The following RNF8 variants were observed in gnomAD, a reference collection of about 807,000 sequenced individuals.
RNF8 encodes the protein ring finger protein 8.
Under a neutral mutation model 59.3 loss-of-function variants are expected in RNF8, and 8 were observed. The ratio of observed to expected loss-of-function variants is 0.13; its 90% CI spans 0.08 to 0.24. The LOEUF (loss-of-function observed/expected upper bound fraction) is 0.24. Among genes scored for constraint, RNF8 ranks in the 10% least tolerant of loss-of-function variants. The probability of loss-of-function intolerance (pLI) is 1.00; values close to 1 mark genes in which losing one functional copy is unlikely to be tolerated. For synonymous variants in RNF8, 162 were observed against 200.0 expected (o/e 0.81, Z 1.60); for missense variants, 406 against 572.6 (o/e 0.71, Z 2.97).
At chr6:37,364,801 G>T (rs56947102) in intron 2 of RNF8, among the ~76,000 whole-genome samples, 4 of 151,930 alleles carry the variant, frequency 2.6e-5, no homozygotes, top group Non-Finnish European at 5.9e-5. Context: ...ATGGAGTTTC[G>T]CTCTTTTTGC....
At chr6:37,361,902 ATGAATC>A (rs1156273727) in intron 2 of RNF8, among the ~76,000 whole-genome samples, 1 of 152,210 alleles carries the variant, frequency 6.6e-6, no homozygotes, top group African/African-American at 2.4e-5. Context: ...ATGTAGACAG[ATGAATC>A]TGAGGCCCAG....
chr6:37,383,297 C>G (rs925247592), intron 7 of RNF8, among the ~76,000 whole-genome samples: 15 of 152,202 alleles, frequency 9.9e-5, no homozygotes, highest in Non-Finnish European at 1.9e-4. Flanking sequence ...CATGCCAGAG[C>G]TATCAACAGC....
At chr6:37,365,044 C>T (rs754849119) in intron 2 of RNF8, among the ~76,000 whole-genome samples, 10 of 152,162 alleles carry the variant, frequency 6.6e-5, no homozygotes, top group East Asian at 1.9e-4. Flanking sequence ...GTTAGGATTA[C>T]AGGCGTGAGC....
chr6:37,384,525 G>C (rs559627797), intron 7 of RNF8, among the ~76,000 whole-genome samples: 1 of 152,356 alleles, frequency 6.6e-6, no homozygotes, highest in Admixed American at 6.5e-5. Flanking sequence ...AGAGGCATTT[G>C]TGAACTATTG....
At chr6:37,383,138 A>G (rs1487316670) in intron 7 of RNF8, among the ~76,000 whole-genome samples, 1 of 152,234 alleles carries the variant, frequency 6.6e-6, no homozygotes, top group Non-Finnish European at 1.5e-5. Context: ...AGGGGGCTAC[A>G]CAGTAAAATG....
intron 4 of RNF8, among the ~76,000 whole-genome samples, chr6:37,372,066 G>T (rs1769831846): frequency 6.6e-6 from 1 of 152,174 alleles, no homozygotes; most frequent in South Asian, 2.1e-4. Context: ...AAAAGGTAAA[G>T]CTCAACAGGA....
In RNF8 at chr6:37,380,872, G is replaced by A. The variant is rs547968424; in HGVS notation, c.1237-278G>A. 3.9e-5 allele frequency among the ~76,000 whole-genome samples: 6 copies of A among 152,002 alleles called. No individual in the cohort carries two copies. In the South Asian group the frequency reaches 1.2e-3, roughly 32 times the overall value. Reference sequence around the variant, plus strand: ...TAATATTCGTATTTTTAGTAGAGACGAGGTTTTACCATGTTGCCCAGGCTG... The same window carrying A: ...TAATATTCGTATTTTTAGTAGAGACAAGGTTTTACCATGTTGCCCAGGCTG... On this transcript the variant is annotated intron_variant, in intron 6 of 7. Transcript: ENST00000373479.
intron 2 of RNF8, among the ~76,000 whole-genome samples, chr6:37,362,497 T>C (rs1769364704): frequency 1.0e-5 from 1 of 96,126 alleles, no homozygotes; most frequent in Non-Finnish European, 2.2e-5. Context: ...TTAGCTGTGA[T>C]TGTTTGTGAG....
At position 37,369,258 on chromosome 6, in the gene RNF8, G is replaced by C. The variant is rs1769700232; in HGVS notation, c.975+40G>C. 5 of 1,538,890 alleles carry C rather than the reference G, an allele frequency of 3.2e-6. No homozygotes were observed. The East Asian group carries it at 1.2e-4, about 36-fold the overall frequency. ...GGAAGGGCAAGAGTGGTCTTCAGGG[G>C]TGGGGCAGGCACTTCATGAGTCTCT... On this transcript the variant is annotated intron_variant, in intron 3 of 7. Coordinates refer to ENST00000373479, the MANE Select transcript of RNF8 (RefSeq NM_003958.4).
intron 2 of RNF8, among the ~76,000 whole-genome samples, chr6:37,363,537 G>A (rs1769411938): frequency 6.6e-6 from 1 of 152,074 alleles, no homozygotes; most frequent in Non-Finnish European, 1.5e-5. Context: ...AATAATCTGG[G>A]GAATTTAAAT....
At chr6:37,379,925 T>G (rs1770183008) in intron 6 of RNF8, among the ~76,000 whole-genome samples, 1 of 152,162 alleles carries the variant, frequency 6.6e-6, no homozygotes. Flanking sequence ...TGTTTGTTTG[T>G]TTTTTCCAGA....
intron 5 of RNF8, among the ~76,000 whole-genome samples, chr6:37,375,315 G>C (rs1161022246): frequency 6.6e-6 from 1 of 152,192 alleles, no homozygotes; most frequent in African/African-American, 2.4e-5. Context: ...GCCCAGTGTT[G>C]TCAGATCTTC....
intron 2 of RNF8, among the ~76,000 whole-genome samples, chr6:37,363,651 C>T (rs1364310450): frequency 6.6e-6 from 1 of 152,088 alleles, no homozygotes; most frequent in Non-Finnish European, 1.5e-5. Flanking sequence ...AATGTTCTTA[C>T]CCTTCTGTTG....
chr6:37,355,129 T>C (rs1313218133), intron 1 of RNF8, among the ~76,000 whole-genome samples: 1 of 151,858 alleles, frequency 6.6e-6, no homozygotes, highest in African/African-American at 2.4e-5. Context: ...CCTGGCACGG[T>C]TCAAGATGCA....
At position 37,368,949 on chromosome 6, in the gene RNF8, G is replaced by T; in HGVS notation, c.706G>T (p.Ala236Ser). 5.0e-6 allele frequency: 8 copies of T among 1,614,214 alleles called. No individual in the cohort carries two copies. Among genetic ancestry groups the T allele is most frequent in the Non-Finnish European group, 6.8e-6 (8 of 1,180,046 alleles). Residue 236 changes from alanine (A) to serine (S), a missense_variant, in exon 3 of 8, where the codon GCC (alanine) becomes TCC (serine). Ala to Ser is a moderately conservative substitution (Grantham distance 99, BLOSUM62 1). Coordinates refer to ENST00000373479, the MANE Select transcript of RNF8 (RefSeq NM_003958.4). ...CACAGAGGTTCATCATGAGCAGAAA[G>T]CCTCAAACTCTTCAGCATCTCAGAG... ...KVTEVHHEQK[A>S]SNSSASQRSL...
chr6:37,360,773 G>A lies in RNF8; in HGVS notation c.240+199G>A, dbSNP rs1769287251. 6.6e-6 allele frequency among the ~76,000 whole-genome samples: 1 copy of A among 152,084 alleles called. No individual in the cohort carries two copies. Among genetic ancestry groups the A allele is most frequent in the Admixed American group, 6.5e-5 (1 of 15,270 alleles). On this transcript the variant is annotated intron_variant, in intron 2 of 7. Coordinates refer to ENST00000373479, the MANE Select transcript of RNF8 (RefSeq NM_003958.4). This position sits in a 1 kb window ranked among gnomAD's most constrained non-coding sequence, Gnocchi z 4.2. ...TGCTAAAATAATTTCTCTTGATTTG[G>A]GTTAAAGTTTGTTAACTTGAAGAGA...
At chr6:37,385,975 C>G (rs1770478196) in intron 7 of RNF8, among the ~76,000 whole-genome samples, 1 of 151,730 alleles carries the variant, frequency 6.6e-6, no homozygotes, top group East Asian at 1.9e-4. Flanking sequence ...GCTGGGACCA[C>G]AGGCATGTGC....
At chr6:37,384,827 A>T (rs1386072022) in intron 7 of RNF8, among the ~76,000 whole-genome samples, 2 of 152,164 alleles carry the variant, frequency 1.3e-5, no homozygotes, top group Non-Finnish European at 2.9e-5. Context: ...GAGAATACTT[A>T]TTAGCAGGTA....
chr6:37,362,815 A>C (rs926993480), intron 2 of RNF8, among the ~76,000 whole-genome samples: 5 of 152,244 alleles, frequency 3.3e-5, no homozygotes, highest in Non-Finnish European at 7.3e-5. Context: ...AGAAAGTGAG[A>C]GCTTAAGTAT....
Sources: allele counts gnomAD v4.1 joint callset (sites outside exome capture counted in the v4.1 genomes callset), GRCh38; gene constraint gnomAD v4.1.1; non-coding constraint Gnocchi (gnomAD v3.1); transcripts MANE v1.5; gene names NCBI Gene and HGNC (gene_info 2026-07-23, HGNC 2026-07-21).